Variants in RIOX1 observed in about 807,000 individuals in gnomAD.
RIOX1 encodes ribosomal oxygenase 1.
A neutral mutation model predicts 44.6 loss-of-function variants in RIOX1; 33 were observed. The observed-to-expected ratio is 0.74, with a 90% CI of 0.56 to 0.99. The LOEUF (loss-of-function observed/expected upper bound fraction) is 0.99, where lower values mean the gene tolerates loss of function less well. Ranked by LOEUF, RIOX1 falls within the 50% of genes least tolerant of loss-of-function variation. RIOX1 has a pLI of 0.00. For synonymous variants in RIOX1, 387 were observed against 395.8 expected, an observed-to-expected ratio of 0.98 and a Z score of 0.26; for missense variants, 821 against 871.7, an observed-to-expected ratio of 0.94 and a Z score of 0.73.
rs1885701112 is a variant in RIOX1 at position 73,491,194 on chromosome 14, T to C, written c.177T>C (p.Pro59=). The C allele has an allele frequency of 6.3e-7, 1 of 1,596,370 alleles. No individual in the cohort carries two copies. Among genetic ancestry groups the C allele is most frequent in the Non-Finnish European group, 8.5e-7 (1 of 1,170,992 alleles). Residue 59 remains proline, a synonymous_variant, in exon 1 of 1, where the codon CCT becomes CCC. Transcript: ENST00000304061. ...RMAALRTQTL[P]SENSEESRVE... is the part of the protein sequence containing the mutation. Reference sequence around the variant, plus strand: ...CAGCGCTGAGGACGCAGACGCTGCCTAGCGAGAACTCGGAGGAATCGAGGG... The same window carrying C: ...CAGCGCTGAGGACGCAGACGCTGCCCAGCGAGAACTCGGAGGAATCGAGGG...
In RIOX1 at chr14:73,491,752, T is replaced by A. The variant is rs745415083; in HGVS notation, c.735T>A (p.Ala245=). The change falls in exon 1 of 1, where the codon GCT becomes GCA. Residue 245 remains alanine (A), a synonymous_variant. Transcript: ENST00000304061. ...HTYYQGLFST[A]DLDSMLRNEE... ...ACTACCAGGGACTTTTCTCTACCGC[T>A]GACCTGGATTCGATGCTGCGCAACG... is the stretch of plus-strand genomic sequence containing the variant. 3.2e-6 allele frequency: 5 copies of A among 1,559,936 alleles called. No individual in the cohort carries two copies. The highest frequency in any genetic ancestry group is 4.3e-6 in the Non-Finnish European group (5 of 1,152,424).
rs758109 is a variant in RIOX1 at position 73,491,671 on chromosome 14, T to C, written c.654T>C (p.Phe218=). The C allele has an allele frequency of 0.73, 1,126,142 of 1,549,532 alleles. 411,617 individuals are homozygous for C. Among genetic ancestry groups the C allele is most frequent in the East Asian group, 0.88 (36,030 of 40,884 alleles). Residue 218 remains phenylalanine (F), a synonymous_variant, in exon 1 of 1, where the codon TTT becomes TTC. Transcript: ENST00000304061. ...TCGCGCCCATGCCGCCAGATCACTT[T>C]TACCGGCGCCTATGGGAGCGCGAGG... ...WLIAPMPPDH[F]YRRLWEREAV...
chr14:73,492,495 C>T lies in RIOX1; in HGVS notation c.1478C>T (p.Pro493Leu), dbSNP rs1566820950. 6.2e-7 allele frequency: 1 copy of T among 1,613,522 alleles called. No individual in the cohort carries two copies. The highest frequency in any genetic ancestry group is 8.5e-7 in the Non-Finnish European group (1 of 1,179,756). The change falls in exon 1 of 1, where the codon CCT (proline) becomes CTT (leucine). Residue 493 changes from proline (P) to leucine (L), a missense_variant. Physicochemically the swap from Pro to Leu is moderately conservative, Grantham distance 98 (BLOSUM62 -3). Transcript: ENST00000304061. The surrounding 1 kb of genome is among the most constrained non-coding windows in gnomAD (Gnocchi z 4.9). ...VLVARLGHFA[P>L]VDAVADQRAK... is the part of the protein sequence containing the mutation. The stretch of plus-strand genomic sequence containing the variant: ...GTTGCCCGCCTGGGACACTTTGCTC[C>T]TGTTGATGCTGTGGCCGACCAGCGA...
At position 73,491,613 on chromosome 14, in the gene RIOX1, G is replaced by A. The variant is rs1209140557; in HGVS notation, c.596G>A (p.Arg199Gln). The A allele has an allele frequency of 1.9e-6, 3 of 1,547,240 alleles. No homozygotes were observed. The highest frequency in any genetic ancestry group is 1.4e-5 in the African/African-American group (1 of 72,964). ...LAELNRIPSS[R>Q]RRAARLFEWL... The stretch of plus-strand genomic sequence containing the variant: ...GAGCTGAACCGCATCCCCAGCAGCC[G>A]GCGGCGAGCGGCCCGCCTCTTTGAG... Residue 199 changes from arginine to glutamine, a missense_variant, in exon 1 of 1, where the codon CGG becomes CAG. Arg to Gln is a conservative substitution (Grantham distance 43). Around this residue, in one of 2 missense-constraint regions of RIOX1, gnomAD observed 554 missense variants for 531.2 expected, o/e 1.04. Transcript: ENST00000304061.
Position 73,492,915 on chromosome 14 carries a change from T to A in RIOX1, c.1898T>A (p.Leu633His), listed in dbSNP as rs1488055559. 1.2e-6 allele frequency: 2 copies of A among 1,613,474 alleles called. No individual in the cohort carries two copies. The highest frequency in any genetic ancestry group is 4.5e-5 in the East Asian group (2 of 44,852). Residue 633 changes from leucine to histidine, a missense_variant, in exon 1 of 1, where the codon CTC becomes CAC. By Grantham distance (99) the Leu-to-His change is moderately conservative. This residue lies in a region of RIOX1 where 267 missense variants were observed against 340.5 expected (regional missense o/e 0.78). Transcript: ENST00000304061. This position sits in a 1 kb window ranked among gnomAD's most constrained non-coding sequence, Gnocchi z 4.9. The part of the protein sequence containing the change: ...ATTLYDKGLL[L>H]TKMPLALN ...ACGTTGTATGATAAGGGGCTGCTGC[T>A]CACTAAGATGCCTCTAGCCCTAAAT...
At position 73,491,911 on chromosome 14, in the gene RIOX1, C is replaced by G; in HGVS notation, c.894C>G (p.Leu298=). The change falls in exon 1 of 1, where the codon CTC becomes CTG. Residue 298 remains leucine, a synonymous_variant. Coordinates refer to ENST00000304061, the MANE Select transcript of RIOX1 (RefSeq NM_024644.5). ...ACCAGGCCGGCTGCTCCCTGCGTCT[C>G]CTCTGTCCGCAGGCTTTCTCTACTA... The part of the protein sequence containing the change: ...SLYQAGCSLR[L]LCPQAFSTTV... The G allele has an allele frequency of 6.2e-7, 1 of 1,612,998 alleles. No homozygotes were observed. The highest frequency in any genetic ancestry group is 8.5e-7 in the Non-Finnish European group (1 of 1,179,610).
At position 73,492,967 on chromosome 14, in the gene RIOX1, A is replaced by G; in HGVS notation, c.*24A>G. 2 of 1,605,728 alleles carry G rather than the reference A, an allele frequency of 1.2e-6. No individual in the cohort carries two copies. The highest frequency in any genetic ancestry group is 1.7e-6 in the Non-Finnish European group (2 of 1,177,180). On this transcript the variant is annotated 3_prime_UTR_variant, in exon 1 of 1. Coordinates refer to ENST00000304061, the MANE Select transcript of RIOX1 (RefSeq NM_024644.5). The surrounding 1 kb of genome is among the most constrained non-coding windows in gnomAD (Gnocchi z 4.9). ...AGTTTCTTGTTGATTGCTGGAAACA[A>G]GGCAGTAGTGATTCTCCGCTGCCAC...
chr14:73,492,620 C>T lies in RIOX1; in HGVS notation c.1603C>T (p.Pro535Ser). The change falls in exon 1 of 1, where the codon CCT (proline) becomes TCT (serine). Residue 535 changes from proline (P) to serine (S), a missense_variant. Physicochemically the swap from Pro to Ser is moderately conservative, Grantham distance 74. Transcript: ENST00000304061. The surrounding 1 kb of genome is among the most constrained non-coding windows in gnomAD (Gnocchi z 4.9). Reference sequence around the variant, plus strand: ...TCCAATTCGCTGGGAGGCTGGAGAACCTGTAAACGTGGGGGCCCAGTTGAC... The same window carrying T: ...TCCAATTCGCTGGGAGGCTGGAGAATCTGTAAACGTGGGGGCCCAGTTGAC... ...GLPIRWEAGE[P>S]VNVGAQLTTE... 6.2e-7 allele frequency: 1 copy of T among 1,613,824 alleles called. No individual in the cohort carries two copies. Among genetic ancestry groups the T allele is most frequent in the Non-Finnish European group, 8.5e-7 (1 of 1,179,872 alleles).
In RIOX1 at chr14:73,491,848, ACCC is replaced by A; in HGVS notation, c.832_834del (p.Pro278del). 6.2e-7 allele frequency: 1 copy of A among 1,607,354 alleles called. No homozygotes were observed. The highest frequency in any genetic ancestry group is 1.7e-4 in the Middle Eastern group (1 of 6,044). ...ACGGACGACGCGAGACCCTGAACCC[ACCC>A]GGCCGCGCGCTGCCCGCCGCCGCGT... On this transcript the variant is annotated inframe_deletion, in exon 1 of 1. Coordinates refer to ENST00000304061, the MANE Select transcript of RIOX1 (RefSeq NM_024644.5).
Position 73,492,746 on chromosome 14 carries a change from TATC to T in RIOX1, c.1733_1735del (p.His578del). Reference sequence around the variant, plus strand: ...TTACACAGTGGAAAACTCCCGTGTGTATCATCTGGAAGAACCCAAGTGCTTGGA... The same window carrying T: ...TTACACAGTGGAAAACTCCCGTGTGTATCTGGAAGAACCCAAGTGCTTGGA... On this transcript the variant is annotated inframe_deletion, in exon 1 of 1. Coordinates refer to ENST00000304061, the MANE Select transcript of RIOX1 (RefSeq NM_024644.5). The surrounding 1 kb of genome is among the most constrained non-coding windows in gnomAD (Gnocchi z 4.9). 1 of 1,613,982 alleles carries T rather than the reference TATC, an allele frequency of 6.2e-7. No homozygotes were observed. The highest frequency in any genetic ancestry group is 2.2e-5 in the East Asian group (1 of 44,890).
Position 73,490,975 on chromosome 14 carries a change from C to T in RIOX1, c.-43C>T, listed in dbSNP as rs780785161. 8 of 1,317,020 alleles carry T rather than the reference C, an allele frequency of 6.1e-6. No individual in the cohort carries two copies. The highest frequency in any genetic ancestry group is 7.8e-6 in the Non-Finnish European group (8 of 1,027,330). 81.6% of individuals were successfully genotyped at this position (1,317,020 alleles called of 1,614,324 possible). A position where few individuals can be genotyped will look rare whatever the true frequency, so the allele number is the denominator to read the frequency against. On this transcript the variant is annotated 5_prime_UTR_variant, in exon 1 of 1. Coordinates refer to ENST00000304061, the MANE Select transcript of RIOX1 (RefSeq NM_024644.5). ...CTGCATTCAGGAACCGCTTTAGCTT[C>T]GCCCCCGGCCGGCCGGGCGGGGAAG...
In RIOX1 at chr14:73,493,330, A is replaced by C; in HGVS notation, c.*387A>C. On this transcript the variant is annotated 3_prime_UTR_variant, in exon 1 of 1. Coordinates refer to ENST00000304061, the MANE Select transcript of RIOX1 (RefSeq NM_024644.5). ...TTTTCATGGGCGGGTCGGGGTCAGT[A>C]TCCTGTTTGTTATTGTTAAATTTGT... 1.9e-6 allele frequency: 1 copy of C among 537,636 alleles called. No individual in the cohort carries two copies. The highest frequency in any genetic ancestry group is 3.4e-6 in the Non-Finnish European group (1 of 297,138). 33.3% of individuals were successfully genotyped at this position (537,636 alleles called of 1,614,324 possible).
At position 73,491,027 on chromosome 14, in the gene RIOX1, C is replaced by G; in HGVS notation, c.10C>G (p.Leu4Val). The G allele has an allele frequency of 6.5e-7, 1 of 1,546,124 alleles. No individual in the cohort carries two copies. The highest frequency in any genetic ancestry group is 8.7e-7 in the Non-Finnish European group (1 of 1,144,324). MDG[L>V]QASAGPLRRG... ...CTGGTGTGGTCTGGCCATGGATGGG[C>G]TCCAGGCCAGTGCAGGGCCGTTGAG... The change falls in exon 1 of 1, where the codon CTC (leucine) becomes GTC (valine). Residue 4 changes from leucine to valine, a missense_variant. By Grantham distance (32) the Leu-to-Val change is conservative. Transcript: ENST00000304061.
rs764746561 is a variant in RIOX1, at chr14:73,492,401, A to G, written c.1384A>G (p.Met462Val). The G allele has an allele frequency of 3.1e-6, 5 of 1,613,734 alleles. No homozygotes were observed. The highest frequency in any genetic ancestry group is 2.2e-5 in the East Asian group (1 of 44,878). ...TCTGCCCCGAGACTTCATGGATTAC[A>G]TGGGGGCCCAGCATTCAGATTCTAA... Reference protein sequence around the residue: ...RGLPRDFMDYMGAQHSDSKDP... With the variant: ...RGLPRDFMDYVGAQHSDSKDP... The change falls in exon 1 of 1, where the codon ATG becomes GTG. Residue 462 changes from methionine (M) to valine (V), a missense_variant. This residue lies in a region of RIOX1 where 267 missense variants were observed against 340.5 expected (regional missense o/e 0.78). Transcript: ENST00000304061. The surrounding 1 kb of genome is among the most constrained non-coding windows in gnomAD (Gnocchi z 4.9).
At position 73,492,283 on chromosome 14, in the gene RIOX1, G is replaced by T. The variant is rs369146034; in HGVS notation, c.1266G>T (p.Thr422=). 16 of 1,613,990 alleles carry T rather than the reference G, an allele frequency of 9.9e-6. No individual in the cohort carries two copies. The highest frequency in any genetic ancestry group is 1.4e-5 in the Non-Finnish European group (16 of 1,179,892). ...GVHSLHLTLS[T]YQRNTWGDFL... is the part of the protein sequence containing the mutation. The stretch of plus-strand genomic sequence containing the variant: ...ACTCTCTGCACCTCACCTTGTCCAC[G>T]TACCAGCGCAATACCTGGGGTGACT... The change falls in exon 1 of 1, where the codon ACG becomes ACT. Residue 422 remains threonine, a synonymous_variant. Coordinates refer to ENST00000304061, the MANE Select transcript of RIOX1 (RefSeq NM_024644.5). The surrounding 1 kb of genome is among the most constrained non-coding windows in gnomAD (Gnocchi z 4.9).
At position 73,491,734 on chromosome 14, in the gene RIOX1, G is replaced by C. The variant is rs34970526; in HGVS notation, c.717G>C (p.Gln239His). 2,153 of 1,553,836 alleles carry C rather than the reference G, an allele frequency of 1.4e-3. 29 individuals carry two copies. The African/African-American group carries it at 0.026, about 19-fold the overall frequency. ...GGCGGCAGGACCACACCTACTACCA[G>C]GGACTTTTCTCTACCGCTGACCTGG... The part of the protein sequence containing the change: ...LVRRQDHTYY[Q>H]GLFSTADLDS... Residue 239 changes from glutamine to histidine, a missense_variant, in exon 1 of 1, where the codon CAG (glutamine) becomes CAC (histidine). Physicochemically the swap from Gln to His is conservative, Grantham distance 24 (BLOSUM62 0). Around this residue, in one of 2 missense-constraint regions of RIOX1, gnomAD observed 554 missense variants for 531.2 expected, o/e 1.04. Coordinates refer to ENST00000304061, the MANE Select transcript of RIOX1 (RefSeq NM_024644.5).
rs754165408 is a variant in RIOX1, at chr14:73,492,080, A to G, written c.1063A>G (p.Lys355Glu). Reference protein sequence around the residue: ...EAFVLQLEGRKLWRVYRPRVP... With the variant: ...EAFVLQLEGRELWRVYRPRVP... Reference sequence around the variant, plus strand: ...CTTCGTGCTGCAGCTGGAAGGTAGGAAACTCTGGCGTGTATACCGACCCCG... The same window carrying G: ...CTTCGTGCTGCAGCTGGAAGGTAGGGAACTCTGGCGTGTATACCGACCCCG... Residue 355 changes from lysine (K) to glutamate (E), a missense_variant, in exon 1 of 1, where the codon AAA (lysine) becomes GAA (glutamate). By Grantham distance (56) the Lys-to-Glu change is moderately conservative. This residue lies in a region of RIOX1 where 554 missense variants were observed against 531.2 expected (regional missense o/e 1.04). Transcript: ENST00000304061. This position sits in a 1 kb window ranked among gnomAD's most constrained non-coding sequence, Gnocchi z 4.9. 2.7e-5 allele frequency: 44 copies of G among 1,613,840 alleles called. No homozygotes were observed. The highest frequency in any genetic ancestry group is 3.5e-5 in the Non-Finnish European group (41 of 1,179,888).
chr14:73,491,646 T>C lies in RIOX1; in HGVS notation c.629T>C (p.Ile210Thr). The change falls in exon 1 of 1, where the codon ATC becomes ACC. Residue 210 changes from isoleucine to threonine, a missense_variant. Physicochemically the swap from Ile to Thr is moderately conservative, Grantham distance 89. Transcript: ENST00000304061. Reference protein sequence around the residue: ...RRAARLFEWLIAPMPPDHFYR... With the variant: ...RRAARLFEWLTAPMPPDHFYR... ...GCGGCCCGCCTCTTTGAGTGGCTCATCGCGCCCATGCCGCCAGATCACTTT... is the reference window on the plus strand; with the variant it reads ...GCGGCCCGCCTCTTTGAGTGGCTCACCGCGCCCATGCCGCCAGATCACTTT... 2.6e-6 allele frequency: 4 copies of C among 1,549,888 alleles called. No homozygotes were observed. The highest frequency in any genetic ancestry group is 3.5e-6 in the Non-Finnish European group (4 of 1,147,338).
Position 73,492,506 on chromosome 14 carries a change from G to A in RIOX1, c.1489G>A (p.Val497Met), listed in dbSNP as rs1189993824. The A allele has an allele frequency of 1.4e-5, 23 of 1,613,662 alleles. No homozygotes were observed. The highest frequency in any genetic ancestry group is 1.9e-5 in the Non-Finnish European group (23 of 1,179,734). The change falls in exon 1 of 1, where the codon GTG becomes ATG. Residue 497 changes from valine (V) to methionine (M), a missense_variant. This residue lies in a region of RIOX1 where 267 missense variants were observed against 340.5 expected (regional missense o/e 0.78). Coordinates refer to ENST00000304061, the MANE Select transcript of RIOX1 (RefSeq NM_024644.5). The surrounding 1 kb of genome is among the most constrained non-coding windows in gnomAD (Gnocchi z 4.9). ...RLGHFAPVDA[V>M]ADQRAKDFIH... ...GGGACACTTTGCTCCTGTTGATGCT[G>A]TGGCCGACCAGCGAGCCAAAGACTT... is the stretch of plus-strand genomic sequence containing the variant.
Sources: allele counts gnomAD v4.1 joint callset, GRCh38; gene constraint gnomAD v4.1.1; regional missense constraint gnomAD v4.1.1; non-coding constraint Gnocchi (gnomAD v3.1); transcripts MANE v1.5; gene names NCBI Gene and HGNC (gene_info 2026-07-23, HGNC 2026-07-21).